TAB2: variants seen among roughly 807,000 people sequenced by gnomAD.
The protein encoded by TAB2 is TGF-beta activated kinase 1 (MAP3K7) binding protein 2.
In TAB2, 3 loss-of-function variants were observed where a neutral mutation model predicts 65.0. The ratio of observed to expected loss-of-function variants is 0.05; its 90% CI spans 0.02 to 0.12. The LOEUF is 0.12. TAB2 is among the 10% of genes least tolerant of loss of function. The pLI is 1.00. For synonymous variants in TAB2, 298 were observed against 285.1 expected (o/e 1.05, Z -0.46); for missense variants, 623 against 840.3 (o/e 0.74, Z 3.20).
chr6:149,281,784 A>G (rs1778580659), intron 1 of TAB2, among the ~76,000 whole-genome samples: 1 of 152,046 alleles, frequency 6.6e-6, no homozygotes, highest in African/African-American at 2.4e-5. Context: ...AAAGAAGAGA[A>G]AAAGAAAAAG....
chr6:149,360,042 C>T (rs576700608), intron 1 of TAB2, among the ~76,000 whole-genome samples: 15 of 152,224 alleles, frequency 9.9e-5, no homozygotes, highest in African/African-American at 2.9e-4. Context: ...AGTAATAAAT[C>T]CAGCTCTATA....
intron 1 of TAB2, among the ~76,000 whole-genome samples, chr6:149,328,993 G>C (rs888338389): frequency 1.3e-5 from 2 of 152,156 alleles, no homozygotes; most frequent in African/African-American, 4.8e-5. Context: ...ATGGAGGTAG[G>C]AAAGTCCACA....
At chr6:149,392,724 ATTG>A (rs1459475973) in intron 3 of TAB2, among the ~76,000 whole-genome samples, 6 of 152,148 alleles carry the variant, frequency 3.9e-5, no homozygotes, top group Non-Finnish European at 5.9e-5. Flanking sequence ...CTTTTTCTTA[ATTG>A]TTGGTGGATT....
intron 1 of TAB2, among the ~76,000 whole-genome samples, chr6:149,311,452 G>A (rs909210106): frequency 9.2e-5 from 14 of 152,180 alleles, no homozygotes; most frequent in Admixed American, 7.9e-4. Context: ...ATTAATAGTT[G>A]TTTGAAAATT....
At chr6:149,265,192 C>G (rs574009266) in intron 1 of TAB2, among the ~76,000 whole-genome samples, 1 of 139,708 alleles carries the variant, frequency 7.2e-6, no homozygotes, top group South Asian at 2.3e-4. Flanking sequence ...GTTCAGAACC[C>G]TTTTTTTTTT....
intron 1 of TAB2, among the ~76,000 whole-genome samples, chr6:149,241,141 C>G (rs1431789370): frequency 6.6e-6 from 1 of 152,150 alleles, no homozygotes; most frequent in African/African-American, 2.4e-5. Context: ...AGAATGAAAT[C>G]TACCATGCCA....
chr6:149,271,696 A>C (rs1778367715), intron 1 of TAB2, among the ~76,000 whole-genome samples: 1 of 151,904 alleles, frequency 6.6e-6, no homozygotes, highest in Non-Finnish European at 1.5e-5. Flanking sequence ...TTAAAACCCT[A>C]CTCTATGGAA....
At chr6:149,219,351 C>A (rs977637843) in intron 1 of TAB2, among the ~76,000 whole-genome samples, 24 of 144,874 alleles carry the variant, frequency 1.7e-4, no homozygotes, top group Non-Finnish European at 3.0e-5. Context: ...TGTACTGGGA[C>A]AAGTATATAA....
intron 1 of TAB2, among the ~76,000 whole-genome samples, chr6:149,263,105 T>A (rs1778188554): frequency 6.6e-6 from 1 of 152,172 alleles, no homozygotes; most frequent in South Asian, 2.1e-4. Flanking sequence ...ACACCTGGCC[T>A]CTCTTCACTC....
chr6:149,342,395 G>A (rs1780158128), intron 1 of TAB2, among the ~76,000 whole-genome samples: 1 of 152,126 alleles, frequency 6.6e-6, no homozygotes, highest in Non-Finnish European at 1.5e-5. Flanking sequence ...GTGGTCTCCT[G>A]TTGGACAGTC....
upstream of TAB2, among the ~76,000 whole-genome samples, chr6:149,316,929 T>C (rs912182294): frequency 1.3e-5 from 2 of 151,890 alleles, no homozygotes; most frequent in Non-Finnish European, 2.9e-5. Flanking sequence ...TCCCTCCCGT[T>C]AGCCGGCGGT....
chr6:149,282,044 T>C (rs1297548845), intron 1 of TAB2, among the ~76,000 whole-genome samples: 2 of 152,148 alleles, frequency 1.3e-5, no homozygotes, highest in African/African-American at 4.8e-5. Context: ...CAGGTGCCTA[T>C]AATCCCAGCT....
chr6:149,333,708 AGTGTGT>A (rs61004397), intron 1 of TAB2, among the ~76,000 whole-genome samples: 2,906 of 144,878 alleles, frequency 0.02, 75 homozygotes, highest in African/African-American at 0.065. Context: ...CCAGATCCAT[AGTGTGT>A]GTGTGTGTGT....
rs1780232495 is a variant in TAB2 at position 149,344,531 on chromosome 6, G to T, written c.-89-25378G>T. On this transcript the variant is annotated intron_variant, in intron 1 of 6. Transcript: ENST00000637181. ...AAGTATTTAATATATTATAGAAATT[G>T]TGAGCAGTCCAGTGTGCATAGAGAA... 2.6e-5 allele frequency among the ~76,000 whole-genome samples: 4 copies of T among 152,178 alleles called. No homozygotes were observed. The South Asian group carries it at 8.3e-4, about 32-fold the overall frequency.
intron 1 of TAB2, chr6:149,321,419 A>G (rs1428999761): frequency 6.6e-6 from 1 of 152,176 alleles, no homozygotes; most frequent in African/African-American, 2.4e-5. Flanking sequence ...TATACTTTTT[A>G]TGTTTTCTTT....
intron 3 of TAB2, among the ~76,000 whole-genome samples, chr6:149,389,865 G>A (rs1781926610): frequency 6.6e-6 from 1 of 152,066 alleles, no homozygotes; most frequent in African/African-American, 2.4e-5. Flanking sequence ...TTATTATCTA[G>A]CAAGAGGTCT....
chr6:149,271,997 C>T (rs1583058096), intron 1 of TAB2, among the ~76,000 whole-genome samples: 1 of 152,196 alleles, frequency 6.6e-6, no homozygotes, highest in Non-Finnish European at 1.5e-5. Flanking sequence ...TAGCCCCACC[C>T]CCAACCCCCC....
intron 1 of TAB2, among the ~76,000 whole-genome samples, chr6:149,227,423 T>A (rs1050880746): frequency 6.6e-6 from 1 of 152,112 alleles, no homozygotes; most frequent in Admixed American, 6.5e-5. Flanking sequence ...GCTATTCAGA[T>A]ACTCAAAACA....
At chr6:149,391,231 C>T (rs977798825) in intron 3 of TAB2, among the ~76,000 whole-genome samples, 1 of 151,930 alleles carries the variant, frequency 6.6e-6, no homozygotes, top group African/African-American at 2.4e-5. Context: ...GATTATTGTA[C>T]CTTTGTATGT....
Sources: allele counts gnomAD v4.1 joint callset (sites outside exome capture counted in the v4.1 genomes callset), GRCh38; gene constraint gnomAD v4.1.1; transcripts MANE v1.5; gene names NCBI Gene and HGNC (gene_info 2026-07-23, HGNC 2026-07-21).